The following PTCH1 variants were observed in gnomAD, a reference collection of about 807,000 sequenced individuals.
The protein encoded by PTCH1 is protein patched homolog 1.
PTCH1 carries 14 observed loss-of-function variants against 144.6 expected under a neutral mutation model. The ratio of observed to expected loss-of-function variants is 0.10; its 90% CI spans 0.06 to 0.15. The LOEUF is 0.15. Ranked by LOEUF, PTCH1 falls within the 10% of genes least tolerant of loss-of-function variation. The pLI is 1.00. For missense variants in PTCH1, 1,623 were observed against 1,948.3 expected, an observed-to-expected ratio of 0.83 and a Z score of 3.14; for synonymous variants, 833 against 793.6, an observed-to-expected ratio of 1.05 and a Z score of -0.83.
chr9:95,470,799 GC>G (rs931045558), intron 12 of PTCH1, among the ~76,000 whole-genome samples: 4 of 152,168 alleles, frequency 2.6e-5, no homozygotes, highest in African/African-American at 9.7e-5. Context: ...ACGAGGCCAG[GC>G]GCGGTGGCTC....
upstream of PTCH1, among the ~76,000 whole-genome samples, chr9:95,510,817 G>C (rs1844111723): frequency 6.6e-6 from 1 of 151,346 alleles, no homozygotes; most frequent in South Asian, 2.1e-4. Context: ...GCGGAGCTCC[G>C]GTGGCCACGT....
chr9:95,481,038 GCTCT>G (rs3831175), intron 5 of PTCH1, among the ~76,000 whole-genome samples: 3 of 151,974 alleles, frequency 2.0e-5, no homozygotes, highest in Non-Finnish European at 2.9e-5. Context: ...ACTTATGAGC[GCTCT>G]CTGACAGCCT....
intron 1 of PTCH1, chr9:95,507,157 G>T: frequency 1.0e-6 from 1 of 985,538 alleles, no homozygotes; most frequent in Non-Finnish European, 1.2e-6. Flanking sequence ...GTTCACTCCC[G>T]ACGCATTTCC....
upstream of PTCH1, among the ~76,000 whole-genome samples, chr9:95,511,934 C>T (rs1486911488): frequency 1.3e-5 from 2 of 152,146 alleles, no homozygotes; most frequent in African/African-American, 4.8e-5. Flanking sequence ...AGACACGTTG[C>T]TATGTTTGTC....
intron 20 of PTCH1, chr9:95,450,959 A>T (rs554450124): frequency 1.8e-4 from 28 of 151,962 alleles, no homozygotes; most frequent in African/African-American, 6.5e-4. Flanking sequence ...GGCAACTCTG[A>T]TGGAAGTGGG....
chr9:95,486,462 C>T (rs1342990141), intron 2 of PTCH1, among the ~76,000 whole-genome samples: 1 of 152,274 alleles, frequency 6.6e-6, no homozygotes, highest in East Asian at 1.9e-4. Context: ...CAGCCACAGC[C>T]ATCATGGGCA....
At chr9:95,503,311 G>A (rs556919242) in intron 2 of PTCH1, 2 of 152,286 alleles carry the variant, frequency 1.3e-5, no homozygotes, top group African/African-American at 2.4e-5. Context: ...TCAATTCACG[G>A]ACGTCCACTG....
intron 2 of PTCH1, among the ~76,000 whole-genome samples, chr9:95,487,177 C>T (rs890696726): frequency 2.0e-5 from 3 of 152,206 alleles, no homozygotes; most frequent in African/African-American, 7.2e-5. Flanking sequence ...AAAACCAGTA[C>T]AAATTCACCG....
intron 16 of PTCH1, among the ~76,000 whole-genome samples, chr9:95,460,920 CAG>C (rs1839397600): frequency 6.6e-6 from 1 of 152,182 alleles, no homozygotes; most frequent in Non-Finnish European, 1.5e-5. Flanking sequence ...GCTGTGAGCT[CAG>C]AGTTTCACAC....
intron 16 of PTCH1, chr9:95,460,062 C>T: frequency 2.1e-6 from 1 of 469,458 alleles, no homozygotes; most frequent in Non-Finnish European, 3.9e-6. Flanking sequence ...AGACCGTCTG[C>T]AGCCAAGGCA....
intron 17 of PTCH1, 25 bp downstream of exon 17, chr9:95,459,575 G>C (rs1388625356): frequency 6.2e-7 from 1 of 1,612,374 alleles, no homozygotes; most frequent in South Asian, 1.1e-5. Context: ...TAAGTTCCCA[G>C]ACCTCCCGAT....
rs763031827 is a variant in PTCH1 at position 95,458,104 on chromosome 9, T to C, written c.3077A>G (p.His1026Arg). The C allele has an allele frequency of 6.2e-7, 1 of 1,614,228 alleles. No homozygotes were observed. The highest frequency in any genetic ancestry group is 8.5e-7 in the Non-Finnish European group (1 of 1,180,036). ...LFWEQYIGLRHWLLLFISVVL... is the reference protein window; with the variant it reads ...LFWEQYIGLRRWLLLFISVVL... Reference sequence around the variant, plus strand: ...CACGCTGATGAACAGCAGCAGCCAGTGGCGGAGGCCGATGTACTGCTCCCA... The same window carrying C: ...CACGCTGATGAACAGCAGCAGCCAGCGGCGGAGGCCGATGTACTGCTCCCA... Residue 1026 changes from histidine (H) to arginine (R), a missense_variant, in exon 18 of 24, where the codon CAC becomes CGC. This residue lies in a region of PTCH1 where 504 missense variants were observed against 679.3 expected (regional missense o/e 0.74). Transcript: ENST00000331920. This position sits in a 1 kb window ranked among gnomAD's most constrained non-coding sequence, Gnocchi z 4.7.
chr9:95,459,564 G>GT (rs555301918), intron 17 of PTCH1, 36 bp downstream of exon 17: 77 of 1,611,528 alleles, frequency 4.8e-5, no homozygotes, highest in Admixed American at 3.7e-4. Flanking sequence ...AGGCACCTCT[G>GT]TAAGTTCCCA....
chr9:95,469,081 G>A lies in PTCH1; in HGVS notation c.1920C>T (p.Ser640=), dbSNP rs2118054074. 6.2e-7 allele frequency: 1 copy of A among 1,614,076 alleles called. No homozygotes were observed. Among genetic ancestry groups the A allele is most frequent in the African/African-American group, 1.3e-5 (1 of 75,040 alleles). ...TGTGGCTGCTGTAGGGAGGTGGGGG[G>A]CTGTAGCGGGTATTGTCGTGTGTGT... ...YTDTHDNTRY[S]PPPPYSSHSF... The change falls in exon 14 of 24, where the codon AGC becomes AGT. Residue 640 remains serine, a synonymous_variant. Transcript: ENST00000331920.
chr9:95,477,566 A>G lies in PTCH1; in HGVS notation c.1484T>C (p.Phe495Ser), dbSNP rs1465597890. The change falls in exon 10 of 24, where the codon TTT (phenylalanine) becomes TCT (serine). Residue 495 changes from phenylalanine (F) to serine (S), a missense_variant. By Grantham distance (155) the Phe-to-Ser change is radical. This residue lies in a region of PTCH1 where 135 missense variants were observed against 228.7 expected (regional missense o/e 0.59). Transcript: ENST00000331920. ...LGLCSLIGISFNAATTQVLPF... is the reference protein window; with the variant it reads ...LGLCSLIGISSNAATTQVLPF... Reference sequence around the variant, plus strand: ...TAGTACCTGAGTTGTTGCAGCGTTAAAGGAAATTCCGATCAATGAGCACAG... The same window carrying G: ...TAGTACCTGAGTTGTTGCAGCGTTAGAGGAAATTCCGATCAATGAGCACAG... 2 of 1,614,070 alleles carry G rather than the reference A, an allele frequency of 1.2e-6. No individual in the cohort carries two copies. The highest frequency in any genetic ancestry group is 1.3e-5 in the African/African-American group (1 of 74,926).
At chr9:95,493,032 A>G (rs765355836) in intron 2 of PTCH1, among the ~76,000 whole-genome samples, 6 of 152,210 alleles carry the variant, frequency 3.9e-5, no homozygotes, top group African/African-American at 4.8e-5. Context: ...ACTTCTGCAA[A>G]TAAGTTTTTG....
chr9:95,449,900 C>T lies in PTCH1; in HGVS notation c.3490G>A (p.Val1164Ile), dbSNP rs371346118. Residue 1164 changes from valine (V) to isoleucine (I), a missense_variant, in exon 21 of 24, where the codon GTT becomes ATT. Transcript: ENST00000331920. The surrounding 1 kb of genome is among the most constrained non-coding windows in gnomAD (Gnocchi z 5.3). ...AVLAILTILG[V>I]LNGLVLLPVL... ...GGAAGCAAAACCAGCCCATTGAGAA[C>T]GCCGAGGATGGTGAGGATCGCCAGC... 8.7e-6 allele frequency: 14 copies of T among 1,614,024 alleles called. No homozygotes were observed. Among genetic ancestry groups the T allele is most frequent in the Non-Finnish European group, 1.2e-5 (14 of 1,180,028 alleles).
At chr9:95,456,470 A>C (rs1345976534) in intron 18 of PTCH1, 57 bp from the exon 19 acceptor site, 1 of 1,600,342 alleles carries the variant, frequency 6.2e-7, no homozygotes, top group African/African-American at 1.3e-5. Flanking sequence ...GGGGCTGCCC[A>C]CAAGGGAGGT....
intron 1 of PTCH1, chr9:95,507,159 C>T (rs1187246946): frequency 3.0e-6 from 3 of 985,404 alleles, no homozygotes; most frequent in South Asian, 9.4e-5. Context: ...TCACTCCCGA[C>T]GCATTTCCAT....
Sources: gnomAD v4.1 joint callset for allele counts (sites outside exome capture counted in the v4.1 genomes callset) on GRCh38, gnomAD v4.1.1 for gene constraint, gnomAD v4.1.1 regional missense constraint, Gnocchi (gnomAD v3.1) non-coding constraint, MANE v1.5 for transcripts, NCBI Gene and HGNC (gene_info 2026-07-23, HGNC 2026-07-21) for gene names.